The following BCL2 variants were observed in gnomAD, a reference collection of about 807,000 sequenced individuals.
BCL2 encodes apoptosis regulator Bcl-2.
Under a neutral mutation model 14.2 loss-of-function variants are expected in BCL2, and 1 was observed. That is an observed-to-expected ratio of 0.07 (90% CI 0.02 to 0.33). The LOEUF (loss-of-function observed/expected upper bound fraction) is 0.33, where lower values mean the gene tolerates loss of function less well. BCL2 is among the 10% of genes least tolerant of loss of function. The pLI, the probability that BCL2 is intolerant of heterozygous loss-of-function variation, is 0.99. For missense variants in BCL2, 247 were observed against 305.9 expected (o/e 0.81, Z 1.44); for synonymous variants, 151 against 137.2 (o/e 1.10, Z -0.70).
chr18:63,132,255 G>T (rs1252973408), intron 2 of BCL2, among the ~76,000 whole-genome samples: 1 of 152,194 alleles, frequency 6.6e-6, no homozygotes, highest in Admixed American at 6.5e-5. Context: ...ATTCATTATT[G>T]TGAAGATTAA....
chr18:63,294,828 T>C (rs1256222948), intron 2 of BCL2, among the ~76,000 whole-genome samples: 4 of 152,044 alleles, frequency 2.6e-5, no homozygotes, highest in Non-Finnish European at 5.9e-5. Context: ...AGAATTACTA[T>C]CTGTGTAACA....
chr18:63,178,782 C>T (rs1036240687), intron 2 of BCL2, among the ~76,000 whole-genome samples: 1 of 151,960 alleles, frequency 6.6e-6, no homozygotes, highest in Non-Finnish European at 1.5e-5. Context: ...CTTCCCACCC[C>T]CAACCTCCCT....
At chr18:63,269,366 G>C (rs1163954001) in intron 2 of BCL2, among the ~76,000 whole-genome samples, 5 of 152,016 alleles carry the variant, frequency 3.3e-5, no homozygotes, top group African/African-American at 1.2e-4. Flanking sequence ...AGATTCATGA[G>C]ACTTTTGTGG....
rs935920938 is a variant in BCL2, at chr18:63,197,840, A to T, written c.586-69081T>A. ...GGGGTGAACCTGTCCCCTGTGAGAG[A>T]GCATAGTTTTGTTGGCAAATGGGAG... On this transcript the variant is annotated intron_variant, in intron 2 of 2. Coordinates refer to ENST00000333681, the MANE Select transcript of BCL2 (RefSeq NM_000633.3). 2.0e-5 allele frequency among the ~76,000 whole-genome samples: 3 copies of T among 152,302 alleles called. No homozygotes were observed. The East Asian group carries it at 5.8e-4, about 29-fold the overall frequency.
chr18:63,304,565 C>T (rs942970279), intron 2 of BCL2, among the ~76,000 whole-genome samples: 2 of 152,188 alleles, frequency 1.3e-5, no homozygotes, highest in African/African-American at 4.8e-5. Flanking sequence ...AGTGTTTGTT[C>T]TTTTAATTTT....
intron 2 of BCL2, among the ~76,000 whole-genome samples, chr18:63,130,114 T>G (rs1479790135): frequency 6.6e-6 from 1 of 152,260 alleles, no homozygotes; most frequent in Non-Finnish European, 1.5e-5. Flanking sequence ...TCCTAGATTT[T>G]GGGGAGATTA....
At chr18:63,205,029 G>A (rs1300205307) in intron 2 of BCL2, among the ~76,000 whole-genome samples, 3 of 152,066 alleles carry the variant, frequency 2.0e-5, no homozygotes, top group South Asian at 2.1e-4. Context: ...AGGTGCTAGC[G>A]AGACTTTCCA....
chr18:63,215,594 G>A (rs573736276), intron 2 of BCL2, among the ~76,000 whole-genome samples: 1 of 152,318 alleles, frequency 6.6e-6, no homozygotes, highest in African/African-American at 2.4e-5. Flanking sequence ...CACAGACAAG[G>A]CTGATGCCAC....
At chr18:63,295,424 G>A (rs1414319033) in intron 2 of BCL2, among the ~76,000 whole-genome samples, 3 of 152,066 alleles carry the variant, frequency 2.0e-5, no homozygotes, top group Admixed American at 6.5e-5. Context: ...ACAGCAGAAA[G>A]AGCAGCAGTG....
chr18:63,189,933 T>C (rs543623734), intron 2 of BCL2, among the ~76,000 whole-genome samples: 1 of 152,292 alleles, frequency 6.6e-6, no homozygotes, highest in African/African-American at 2.4e-5. Context: ...TCTATAAAAA[T>C]CTGTTGTGGA....
At chr18:63,161,315 T>C (rs1243603287) in intron 2 of BCL2, among the ~76,000 whole-genome samples, 3 of 152,256 alleles carry the variant, frequency 2.0e-5, no homozygotes, top group East Asian at 3.8e-4. Flanking sequence ...TTGTCTTCTG[T>C]ATATTTTTTC....
At position 63,284,562 on chromosome 18, in the gene BCL2, T is replaced by C. The variant is rs75835167; in HGVS notation, c.585+33520A>G. On this transcript the variant is annotated intron_variant, in intron 2 of 2. Transcript: ENST00000333681. The stretch of plus-strand genomic sequence containing the variant: ...GCATGTATGCGCCAGACCCAGCCTC[T>C]GCAGTGCTTATGTGGCAATGCTTAA... Among the ~76,000 whole-genome samples, 1,200 of 152,320 alleles carry C rather than the reference T, an allele frequency of 7.9e-3. 13 individuals are homozygous for C. The highest frequency in any genetic ancestry group is 0.028 in the African/African-American group (1,143 of 41,558).
rs143514077 is a variant in BCL2, at chr18:63,262,487, G to A, written c.585+55595C>T. ...CCAAATTAGGTCTTCTTGGACCTCC[G>A]GAGCAGCCCTTCTGCATTTCCAGGA... On this transcript the variant is annotated intron_variant, in intron 2 of 2. Coordinates refer to ENST00000333681, the MANE Select transcript of BCL2 (RefSeq NM_000633.3). Among the ~76,000 whole-genome samples the A allele has an allele frequency of 4.6e-4, 70 of 152,226 alleles. 2 individuals carry two copies. The East Asian group carries it at 0.011, about 23-fold the overall frequency.
chr18:63,213,395 G>A (rs1428973650), intron 2 of BCL2, among the ~76,000 whole-genome samples: 2 of 152,050 alleles, frequency 1.3e-5, no homozygotes, highest in Admixed American at 1.3e-4. Flanking sequence ...ACCCCTCACT[G>A]CTGATGAACT....
chr18:63,208,932 A>G (rs1909919572), intron 2 of BCL2, among the ~76,000 whole-genome samples: 1 of 152,146 alleles, frequency 6.6e-6, no homozygotes. Context: ...AACTCCAGAG[A>G]TCACCTGACC....
intron 2 of BCL2, among the ~76,000 whole-genome samples, chr18:63,134,541 T>C (rs1914159359): frequency 6.6e-6 from 1 of 152,186 alleles, no homozygotes; most frequent in South Asian, 2.1e-4. Flanking sequence ...CAGCTCTCTA[T>C]ATACTGGGGA....
intron 2 of BCL2, among the ~76,000 whole-genome samples, chr18:63,298,762 T>C (rs1418885915): frequency 6.6e-6 from 1 of 152,216 alleles, no homozygotes; most frequent in Non-Finnish European, 1.5e-5. Context: ...CTGTTATCAT[T>C]GCCATTGTTA....
At chr18:63,278,373 C>A (rs1912218419) in intron 2 of BCL2, among the ~76,000 whole-genome samples, 1 of 152,224 alleles carries the variant, frequency 6.6e-6, no homozygotes, top group Non-Finnish European at 1.5e-5. Context: ...TCCCCGGAGC[C>A]TTCTCTTCCA....
rs72941370 is a variant in BCL2 at position 63,149,787 on chromosome 18, A to C, written c.586-21028T>G. On this transcript the variant is annotated intron_variant, in intron 2 of 2. Transcript: ENST00000333681. The surrounding 1 kb of genome is among the most constrained non-coding windows in gnomAD (Gnocchi z 4.2). ...ACCCTTTCTCTAGTTTTTGTTTGGA[A>C]CAAACACAGTGCTTAATTATATGGC... Among the ~76,000 whole-genome samples, 12,766 of 152,232 alleles carry C rather than the reference A, an allele frequency of 0.084. 681 individuals carry two copies. The highest frequency in any genetic ancestry group is 0.13 in the African/African-American group (5,299 of 41,526).
Sources: gnomAD v4.1 joint callset for allele counts (sites outside exome capture counted in the v4.1 genomes callset) on GRCh38, gnomAD v4.1.1 for gene constraint, Gnocchi (gnomAD v3.1) non-coding constraint, MANE v1.5 for transcripts, NCBI Gene and HGNC (gene_info 2026-07-23, HGNC 2026-07-21) for gene names.